Variants in UNC13B observed in about 807,000 individuals in gnomAD.
The protein encoded by UNC13B is unc-13 homolog B.
A neutral mutation model predicts 211.0 loss-of-function variants in UNC13B; 144 were observed. The ratio of observed to expected loss-of-function variants is 0.68; its 90% CI spans 0.60 to 0.78. The LOEUF (loss-of-function observed/expected upper bound fraction) is 0.78, where lower values mean the gene tolerates loss of function less well. Ranked by LOEUF, UNC13B falls within the 30% of genes least tolerant of loss-of-function variation. The pLI, the probability that UNC13B is intolerant of heterozygous loss-of-function variation, is 0.00. For synonymous variants in UNC13B, 709 were observed against 725.8 expected (o/e 0.98, Z 0.37); for missense variants, 1,777 against 2,002.0 (o/e 0.89, Z 2.14).
intron 8 of UNC13B, among the ~76,000 whole-genome samples, chr9:35,297,644 G>T (rs1302069081): frequency 6.8e-6 from 1 of 147,398 alleles, no homozygotes; most frequent in African/African-American, 2.6e-5. Flanking sequence ...CCGCCTCCCG[G>T]GTTCACGCCA....
rs374467783 is a variant in UNC13B, at chr9:35,310,442, A to G, written c.9009-25A>G. 4.4e-6 allele frequency: 7 copies of G among 1,604,782 alleles called. No homozygotes were observed. In the Admixed American group the frequency reaches 1.2e-4, roughly 27 times the overall value. ...GGTCCCTGATTGCATTTATTTACTTATCTGTCTTTCTGTCATTCTCACAGC... is the reference window on the plus strand; with the variant it reads ...GGTCCCTGATTGCATTTATTTACTTGTCTGTCTTTCTGTCATTCTCACAGC... On this transcript the variant is annotated intron_variant, in intron 9 of 39. Coordinates refer to ENST00000635942, the MANE Select transcript of UNC13B (RefSeq NM_001371189.2).
intron 1 of UNC13B, among the ~76,000 whole-genome samples, chr9:35,203,047 C>T (rs1823410020): frequency 1.3e-5 from 2 of 152,148 alleles, no homozygotes; most frequent in Non-Finnish European, 2.9e-5. Flanking sequence ...CCACCTTGGC[C>T]TCCCAAAGTG....
intron 4 of UNC13B, 67 bp downstream of exon 4, chr9:35,236,653 A>T: frequency 4.4e-6 from 6 of 1,371,080 alleles, no homozygotes; most frequent in Non-Finnish European, 6.2e-6. Context: ...TGCTAGCTCC[A>T]CTTTAGCTAA....
intron 1 of UNC13B, among the ~76,000 whole-genome samples, chr9:35,199,558 C>T (rs1823156566): frequency 6.6e-6 from 1 of 152,180 alleles, no homozygotes; most frequent in South Asian, 2.1e-4. Flanking sequence ...GATGGTATGT[C>T]ATTGTGGTTT....
chr9:35,377,631 G>A lies in UNC13B; in HGVS notation c.9999G>A (p.Met3333Ile). ...TVNKAAHVQQMKTVKQSVLDG... is the reference protein window; with the variant it reads ...TVNKAAHVQQIKTVKQSVLDG... ...ACAAAGCTGCCCATGTGCAGCAGAT[G>A]AAAACAGTGAAGCAGAGTGTACTGG... is the stretch of plus-strand genomic sequence containing the variant. Residue 3333 changes from methionine to isoleucine, a missense_variant, in exon 16 of 40, where the codon ATG becomes ATA. Met to Ile is a conservative substitution (Grantham distance 10). Coordinates refer to ENST00000635942, the MANE Select transcript of UNC13B (RefSeq NM_001371189.2). The A allele has an allele frequency of 6.2e-7, 1 of 1,614,210 alleles. No homozygotes were observed. Among genetic ancestry groups the A allele is most frequent in the Non-Finnish European group, 8.5e-7 (1 of 1,180,040 alleles).
At chr9:35,372,359 C>T (rs373821519) in intron 13 of UNC13B, among the ~76,000 whole-genome samples, 2 of 152,282 alleles carry the variant, frequency 1.3e-5, no homozygotes, top group African/African-American at 4.8e-5. Flanking sequence ...GATATTATGA[C>T]TTCTGCCTTC....
chr9:35,190,183 T>A (rs1406022394), intron 1 of UNC13B, among the ~76,000 whole-genome samples: 1 of 152,216 alleles, frequency 6.6e-6, no homozygotes, highest in Non-Finnish European at 1.5e-5. Context: ...ACTGTGCATT[T>A]CATTTCAAGG....
At chr9:35,268,890 C>T (rs1275075046) in intron 7 of UNC13B, among the ~76,000 whole-genome samples, 1 of 152,060 alleles carries the variant, frequency 6.6e-6, no homozygotes, top group Non-Finnish European at 1.5e-5. Context: ...ATGATCATTG[C>T]CTAAATTTAT....
chr9:35,347,718 G>T, intron 11 of UNC13B, among the ~76,000 whole-genome samples: 1 of 152,318 alleles, frequency 6.6e-6, no homozygotes. Flanking sequence ...AAGCATCTTT[G>T]TTTGAGGCTG....
chr9:35,169,254 C>T (rs1189373626), intron 1 of UNC13B, among the ~76,000 whole-genome samples: 3 of 151,992 alleles, frequency 2.0e-5, no homozygotes, highest in Non-Finnish European at 2.9e-5. Context: ...ACTTGGGAGG[C>T]GAGGCAGGAG....
intron 1 of UNC13B, among the ~76,000 whole-genome samples, chr9:35,171,787 T>G (rs2131262185): frequency 6.6e-6 from 1 of 152,352 alleles, no homozygotes; most frequent in Admixed American, 6.5e-5. Context: ...TTTTCGTTGC[T>G]ATGTAGTATC....
At chr9:35,248,437 A>C (rs1826237762) in intron 6 of UNC13B, among the ~76,000 whole-genome samples, 1 of 151,802 alleles carries the variant, frequency 6.6e-6, no homozygotes, top group South Asian at 2.1e-4. Context: ...AGTCCTTTTA[A>C]TTGTGATGTT....
At chr9:35,298,613 C>T (rs1012986037) in intron 8 of UNC13B, among the ~76,000 whole-genome samples, 1 of 152,128 alleles carries the variant, frequency 6.6e-6, no homozygotes, top group African/African-American at 2.4e-5. Flanking sequence ...AGCCACTGCA[C>T]CTGGCCTTCT....
At chr9:35,264,204 G>A (rs1428700851) in intron 7 of UNC13B, among the ~76,000 whole-genome samples, 1 of 152,110 alleles carries the variant, frequency 6.6e-6, no homozygotes, top group Non-Finnish European at 1.5e-5. Flanking sequence ...AAAGAAAAGA[G>A]GAGAGCTACA....
chr9:35,396,603 G>A lies in UNC13B; in HGVS notation c.11435+1G>A, dbSNP rs765304973. 6.8e-6 allele frequency: 11 copies of A among 1,613,758 alleles called. No individual in the cohort carries two copies. Among genetic ancestry groups the A allele is most frequent in the South Asian group, 3.3e-5 (3 of 91,060 alleles). On this transcript the variant is annotated splice_donor_variant, in intron 27 of 39. Transcript: ENST00000635942. LOFTEE classifies it high-confidence loss of function. Reference sequence around the variant, plus strand: ...AGGGGCAGGTGCCTGAGTACCCAGCGTGAGTCATCATGTGGGCACTACAGA... The same window carrying A: ...AGGGGCAGGTGCCTGAGTACCCAGCATGAGTCATCATGTGGGCACTACAGA...
At chr9:35,342,725 A>G (rs1386078501) in intron 11 of UNC13B, among the ~76,000 whole-genome samples, 1 of 152,106 alleles carries the variant, frequency 6.6e-6, no homozygotes, top group Non-Finnish European at 1.5e-5. Context: ...TGTATAGACA[A>G]CTCATTCATC....
At chr9:35,386,027 GGC>G in intron 23 of UNC13B, 136 bp from the exon 24 acceptor site, 1 of 1,462,256 alleles carries the variant, frequency 6.8e-7, no homozygotes, top group Non-Finnish European at 9.2e-7. Flanking sequence ...CAACTATCCT[GGC>G]AATTTCATCA....
At chr9:35,247,489 T>C (rs1826175696) in intron 6 of UNC13B, among the ~76,000 whole-genome samples, 1 of 152,132 alleles carries the variant, frequency 6.6e-6, no homozygotes, top group Admixed American at 6.6e-5. Flanking sequence ...TGGCTGTGGG[T>C]TTGTCATAGA....
chr9:35,307,099 T>G lies in UNC13B; in HGVS notation c.7695T>G (p.Ser2565Arg). 1 of 399,016 alleles carries G rather than the reference T, an allele frequency of 2.5e-6. No homozygotes were observed. Among genetic ancestry groups the G allele is most frequent in the Non-Finnish European group, 4.4e-6 (1 of 226,056 alleles). The allele number at this position is 399,016 out of a possible 1,614,324, so 24.7% of individuals were successfully genotyped here. A position where few individuals can be genotyped will look rare whatever the true frequency, so the allele number is the denominator to read the frequency against. ...FTALSSESTL[S>R]DCRMTVVSAK... ...CACTAAGTTCAGAATCTACTCTCAGTGACTGTAGAATGACTGTGGTTAGTG... is the reference window on the plus strand; with the variant it reads ...CACTAAGTTCAGAATCTACTCTCAGGGACTGTAGAATGACTGTGGTTAGTG... The change falls in exon 9 of 40, where the codon AGT becomes AGG. Residue 2565 changes from serine to arginine, a missense_variant. By Grantham distance (110) the Ser-to-Arg change is moderately radical. Coordinates refer to ENST00000635942, the MANE Select transcript of UNC13B (RefSeq NM_001371189.2).
Sources: gnomAD v4.1 joint callset for allele counts (sites outside exome capture counted in the v4.1 genomes callset) on GRCh38, gnomAD v4.1.1 for gene constraint, MANE v1.5 for transcripts, NCBI Gene and HGNC (gene_info 2026-07-23, HGNC 2026-07-21) for gene names.